Variants in PLIN2 observed in about 807,000 individuals in gnomAD.
PLIN2 encodes the protein perilipin-2.
In PLIN2, 33 loss-of-function variants were observed where a neutral mutation model predicts 30.6. The ratio of observed to expected loss-of-function variants is 1.08; its 90% CI spans 0.82 to 1.44. The LOEUF (loss-of-function observed/expected upper bound fraction) is 1.44, where lower values mean the gene tolerates loss of function less well. Among genes scored for constraint, PLIN2 ranks in the 40% most tolerant of loss-of-function variants. The pLI, the probability that PLIN2 is intolerant of heterozygous loss-of-function variation, is 0.00. For synonymous variants in PLIN2, 205 were observed against 201.1 expected (o/e 1.02, Z -0.16); for missense variants, 610 against 531.8 (o/e 1.15, Z -1.45).
In PLIN2 at chr9:19,116,181, G is replaced by A; in HGVS notation, c.*67C>T. The stretch of plus-strand genomic sequence containing the variant: ...TTCCCAATTTAGGGTTGCCTAGCAA[G>A]TTAATTTCAACATAACAAAAGGTGT... On this transcript the variant is annotated 3_prime_UTR_variant, in exon 8 of 8. Transcript: ENST00000276914. 1 of 1,456,444 alleles carries A rather than the reference G, an allele frequency of 6.9e-7. No homozygotes were observed. Among genetic ancestry groups the A allele is most frequent in the South Asian group, 1.4e-5 (1 of 69,860 alleles). 90.2% of individuals were successfully genotyped at this position (1,456,444 alleles called of 1,614,324 possible).
intron 1 of PLIN2, among the ~76,000 whole-genome samples, chr9:19,126,911 G>C (rs2131187435): frequency 6.6e-6 from 1 of 152,118 alleles, no homozygotes; most frequent in East Asian, 1.9e-4. Flanking sequence ...GCGTGGTGGC[G>C]GGCGCCTGTT....
At chr9:19,110,374 T>C (rs537306695) in intron 2 of PLIN2, among the ~76,000 whole-genome samples, 5 of 152,276 alleles carry the variant, frequency 3.3e-5, no homozygotes, top group African/African-American at 1.2e-4. Flanking sequence ...AAGATGAATA[T>C]AACGGTGATG....
At position 19,126,252 on chromosome 9, in the gene PLIN2, A is replaced by T; in HGVS notation, c.88T>A (p.Ser30Thr). Residue 30 changes from serine to threonine, a missense_variant, in exon 3 of 8, where the codon TCC becomes ACC. Ser to Thr is a moderately conservative substitution (Grantham distance 58, BLOSUM62 1). Transcript: ENST00000276914. ...TCCTTTGTACTGAGATAGGCTGAGG[A>T]CATGAGGTCATACGTGGAGCTCACC... The part of the protein sequence containing the change: ...PLVSSTYDLM[S>T]SAYLSTKDQY... The T allele has an allele frequency of 6.2e-7, 1 of 1,614,174 alleles. No homozygotes were observed. The highest frequency in any genetic ancestry group is 8.5e-7 in the Non-Finnish European group (1 of 1,180,018).
chr9:19,112,898 C>G (rs926626452), downstream of PLIN2, among the ~76,000 whole-genome samples: 21 of 152,020 alleles, frequency 1.4e-4, no homozygotes, highest in Admixed American at 1.2e-3. Flanking sequence ...TTTTATTCTG[C>G]CCCTGCTCAG....
Position 19,121,137 on chromosome 9 carries a change from G to A in PLIN2, c.338C>T (p.Thr113Ile), listed in dbSNP as rs1393840860. Residue 113 changes from threonine to isoleucine, a missense_variant, in exon 5 of 8, where the codon ACT becomes ATT. Thr to Ile is a moderately conservative substitution (Grantham distance 89, BLOSUM62 -1). Transcript: ENST00000276914. ...QIVANAKGAV[T>I]GAKDAVTTTV... ...AGTCGTCACAGCATCTTTTGCCCCA[G>A]TCACAGCGCCTTTGGCATTGGCAAC... 4 of 1,614,140 alleles carry A rather than the reference G, an allele frequency of 2.5e-6. No homozygotes were observed. In the South Asian group the frequency reaches 3.3e-5, roughly 13 times the overall value.
intron 7 of PLIN2, 80 bp from the exon 8 acceptor site, chr9:19,116,729 T>G: frequency 8.5e-7 from 1 of 1,170,650 alleles, no homozygotes; most frequent in Non-Finnish European, 1.2e-6. Flanking sequence ...GCTGGTTATG[T>G]GTCCACCACA....
chr9:19,120,941 A>T lies in PLIN2; in HGVS notation c.534T>A (p.Asn178Lys). The T allele has an allele frequency of 1.2e-6, 2 of 1,613,992 alleles. No homozygotes were observed. The highest frequency in any genetic ancestry group is 1.1e-5 in the South Asian group (1 of 91,082). The change falls in exon 5 of 8, where the codon AAT becomes AAA. Residue 178 changes from asparagine (N) to lysine (K), a missense_variant. By Grantham distance (94) the Asn-to-Lys change is moderately conservative. Transcript: ENST00000276914. ...CCAACAGCTCTGATTTGGTGAGTGC[A>T]TTTTCTACGCCACTGCTCACGAGCT... ...MMQLVSSGVE[N>K]ALTKSELLVE...
At position 19,115,971 on chromosome 9, in the gene PLIN2, A is replaced by G; in HGVS notation, c.*277T>C. On this transcript the variant is annotated 3_prime_UTR_variant, in exon 8 of 8. Transcript: ENST00000276914. Reference sequence around the variant, plus strand: ...ATACAAACAGTAACAGAGGCAACACAATGGCCATAGAATGAGAACATAAGT... The same window carrying G: ...ATACAAACAGTAACAGAGGCAACACGATGGCCATAGAATGAGAACATAAGT... 1 of 287,490 alleles carries G rather than the reference A, an allele frequency of 3.5e-6. No homozygotes were observed. The highest frequency in any genetic ancestry group is 6.5e-6 in the Non-Finnish European group (1 of 154,608). 17.8% of individuals were successfully genotyped at this position (287,490 alleles called of 1,614,324 possible).
downstream of PLIN2, among the ~76,000 whole-genome samples, chr9:19,113,651 G>A (rs1485874711): frequency 1.3e-5 from 2 of 150,062 alleles, no homozygotes; most frequent in Admixed American, 1.3e-4. Context: ...TCGGCTCACT[G>A]CAACCTTCAC....
intron 5 of PLIN2, 95 bp downstream of exon 5, chr9:19,120,783 CTG>C (rs2131180857): frequency 1.0e-6 from 1 of 967,592 alleles, no homozygotes; most frequent in East Asian, 2.5e-5. Flanking sequence ...GCTTGCACAA[CTG>C]TGTAAATTTA....
At chr9:19,124,017 C>A (rs371024717) in intron 3 of PLIN2, among the ~76,000 whole-genome samples, 617 of 121,602 alleles carry the variant, frequency 5.1e-3, no homozygotes, top group Non-Finnish European at 5.2e-3. Context: ...GACTCCATCT[C>A]AAAAAAAAAA....
chr9:19,125,910 G>A (rs1199561155), intron 3 of PLIN2: 18 of 489,672 alleles, frequency 3.7e-5, no homozygotes, highest in South Asian at 2.7e-4. Context: ...GTGATAGAGT[G>A]AGACTCCATC....
At chr9:19,109,501 C>T (rs1354760078) in intron 2 of PLIN2, among the ~76,000 whole-genome samples, 1 of 148,396 alleles carries the variant, frequency 6.7e-6, no homozygotes, top group Non-Finnish European at 1.5e-5. Flanking sequence ...CCGAGGTTCA[C>T]CACCACTCCA....
Position 19,116,521 on chromosome 9 carries a change from C to G in PLIN2, c.1041G>C (p.Gly347=). Residue 347 remains glycine (G), a synonymous_variant, in exon 8 of 8, where the codon GGG becomes GGC. Transcript: ENST00000276914. ...CTGAGTAGATGTCGCCTGCCATCAC[C>G]CCCATGTGCTTGGCTTGATCTTGGA... The part of the protein sequence containing the change: ...QNIQDQAKHM[G]VMAGDIYSVF... 1 of 1,614,134 alleles carries G rather than the reference C, an allele frequency of 6.2e-7. No homozygotes were observed. Among genetic ancestry groups the G allele is most frequent in the Non-Finnish European group, 8.5e-7 (1 of 1,180,026 alleles).
In PLIN2 at chr9:19,116,407, T is replaced by C. The variant is rs535083359; in HGVS notation, c.1155A>G (p.Leu385=). 2 of 1,614,246 alleles carry C rather than the reference T, an allele frequency of 1.2e-6. No homozygotes were observed. Among genetic ancestry groups the C allele is most frequent in the East Asian group, 2.2e-5 (1 of 44,892 alleles). Residue 385 remains leucine, a synonymous_variant, in exon 8 of 8, where the codon TTA becomes TTG. Transcript: ENST00000276914. Reference sequence around the variant, plus strand: ...TAACAAGATAATCCATCACGTCATCTAAAGATTCCTTCATTTTCTGCAGCT... The same window carrying C: ...TAACAAGATAATCCATCACGTCATCCAAAGATTCCTTCATTTTCTGCAGCT... ...KGQLQKMKES[L]DDVMDYLVNN...
At chr9:19,112,908 GGAA>G (rs1818175885), downstream of PLIN2, among the ~76,000 whole-genome samples, 1 of 151,898 alleles carries the variant, frequency 6.6e-6, no homozygotes, top group South Asian at 2.1e-4. Context: ...CCCCTGCTCA[GGAA>G]GAAGAGCTTT....
Position 19,122,769 on chromosome 9 carries a change from T to C in PLIN2, c.309+796A>G, listed in dbSNP as rs530211240. ...CTAACCCTCTTGTGAACTGTGCACGTGCATGCTCCTTATGAGAATCTAATG... is the reference window on the plus strand; with the variant it reads ...CTAACCCTCTTGTGAACTGTGCACGCGCATGCTCCTTATGAGAATCTAATG... On this transcript the variant is annotated intron_variant, in intron 4 of 7. Coordinates refer to ENST00000276914, the MANE Select transcript of PLIN2 (RefSeq NM_001122.4). 2.3e-3 allele frequency among the ~76,000 whole-genome samples: 354 copies of C among 152,214 alleles called. 2 individuals carry two copies. The highest frequency in any genetic ancestry group is 8.0e-3 in the African/African-American group (334 of 41,524).
In PLIN2 at chr9:19,123,702, C is replaced by A; in HGVS notation, c.227-55G>T. On this transcript the variant is annotated intron_variant, in intron 3 of 7. Coordinates refer to ENST00000276914, the MANE Select transcript of PLIN2 (RefSeq NM_001122.4). ...TAGTACTATAGGTATAGAATGAACA[C>A]ACATTACCATAGGCCTTATAAAAAA... 2.7e-6 allele frequency: 4 copies of A among 1,458,530 alleles called. No individual in the cohort carries two copies. In the South Asian group the frequency reaches 4.7e-5, roughly 17 times the overall value. The allele number at this position is 1,458,530 out of a possible 1,614,324, so 90.3% of individuals were successfully genotyped here. A position where few individuals can be genotyped will look rare whatever the true frequency, so the allele number is the denominator to read the frequency against.
Position 19,116,152 on chromosome 9 carries a change from T to C in PLIN2, c.*96A>G. On this transcript the variant is annotated 3_prime_UTR_variant, in exon 8 of 8. Transcript: ENST00000276914. ...AATTGAGGGCCTTTATACTAGCTAC[T>C]TGCTTCCCAATTTAGGGTTGCCTAG... The C allele has an allele frequency of 8.0e-7, 1 of 1,252,294 alleles. No individual in the cohort carries two copies. The highest frequency in any genetic ancestry group is 1.5e-5 in the South Asian group (1 of 65,458). 77.6% of individuals were successfully genotyped at this position (1,252,294 alleles called of 1,614,324 possible). A position where few individuals can be genotyped will look rare whatever the true frequency, so the allele number is the denominator to read the frequency against.
Sources: gnomAD v4.1 joint callset for allele counts (sites outside exome capture counted in the v4.1 genomes callset) on GRCh38, gnomAD v4.1.1 for gene constraint, MANE v1.5 for transcripts, NCBI Gene and HGNC (gene_info 2026-07-23, HGNC 2026-07-21) for gene names.